TSPAN9: variants seen among roughly 807,000 people sequenced by gnomAD.
TSPAN9 encodes the protein tetraspanin-9.
TSPAN9 carries 16 observed loss-of-function variants against 31.0 expected under a neutral mutation model. That is an observed-to-expected ratio of 0.52 (90% CI 0.35 to 0.78). TSPAN9 has a LOEUF of 0.78. Among genes scored for constraint, TSPAN9 ranks in the 30% least tolerant of loss-of-function variants. TSPAN9 has a pLI of 0.01. For synonymous variants in TSPAN9, 145 were observed against 121.6 expected (o/e 1.19, Z -1.27); for missense variants, 272 against 312.5 (o/e 0.87, Z 0.98).
At chr12:3,162,644 G>A (rs1342740151) in intron 2 of TSPAN9, among the ~76,000 whole-genome samples, 2 of 151,092 alleles carry the variant, frequency 1.3e-5, no homozygotes, top group Non-Finnish European at 2.9e-5. Context: ...GTAATTTTCA[G>A]CTTTTTGGCT....
At chr12:3,131,066 G>A (rs1280310192) in intron 2 of TSPAN9, among the ~76,000 whole-genome samples, 1 of 151,334 alleles carries the variant, frequency 6.6e-6, no homozygotes, top group Non-Finnish European at 1.5e-5. Flanking sequence ...CCTTTGACGG[G>A]GTACACACGC....
intron 2 of TSPAN9, among the ~76,000 whole-genome samples, chr12:3,188,524 C>T (rs901932909): frequency 5.9e-5 from 9 of 152,076 alleles, no homozygotes; most frequent in South Asian, 2.1e-4. Context: ...CTGCTGTGTC[C>T]GGCTGGCCGT....
At chr12:3,087,974 A>G (rs868882) in intron 2 of TSPAN9, among the ~76,000 whole-genome samples, 13,272 of 152,210 alleles carry the variant, frequency 0.087, 1,789 homozygotes, top group African/African-American at 0.29. Context: ...ACAAGCCCTG[A>G]GGGTGGCAGT....
chr12:3,281,906 T>A (rs1253296010), intron 8 of TSPAN9, 89 bp downstream of exon 8: 1 of 1,413,994 alleles, frequency 7.1e-7, no homozygotes, highest in Non-Finnish European at 9.9e-7. Flanking sequence ...GCAGTGTTGG[T>A]ACACGGCGGA....
Position 3,170,848 on chromosome 12 carries a change from C to T in TSPAN9, c.-17-30329C>T, listed in dbSNP as rs1056976559. ...TGCCGGGCAGGGACTCCTGGGTTGG[C>T]GCTCTCTAAAGCCGCTTCTGTTTCT... is the stretch of plus-strand genomic sequence containing the variant. On this transcript the variant is annotated intron_variant, in intron 2 of 8. Coordinates refer to ENST00000011898, the MANE Select transcript of TSPAN9 (RefSeq NM_006675.5). The surrounding 1 kb of genome is among the most constrained non-coding windows in gnomAD (Gnocchi z 4.4). 2.6e-5 allele frequency among the ~76,000 whole-genome samples: 4 copies of T among 152,122 alleles called. No homozygotes were observed. The East Asian group carries it at 5.8e-4, about 22-fold the overall frequency.
In TSPAN9 at chr12:3,226,787, TATATATA is replaced by T. The variant is rs1488780704; in HGVS notation, c.63+25532_63+25538del. Among the ~76,000 whole-genome samples the T allele has an allele frequency of 2.3e-4, 6 of 25,842 alleles. 1 individual carries two copies. Among genetic ancestry groups the T allele is most frequent in the African/African-American group, 4.3e-4 (2 of 4,702 alleles). The allele number at this position is 25,842 out of a possible 152,430, so 17.0% of individuals were successfully genotyped here. On this transcript the variant is annotated intron_variant, in intron 3 of 8. Transcript: ENST00000011898. ...ATATATATATATATATATATATATA[TATATATA>T]TTTTTTTTTTTTTTTCCCTCTTCGA...
Position 3,283,239 on chromosome 12 carries a change from T to A in TSPAN9, c.*123T>A. 1.1e-6 allele frequency: 1 copy of A among 922,302 alleles called. No homozygotes were observed. The allele number at this position is 922,302 out of a possible 1,614,324, so 57.1% of individuals were successfully genotyped here. ...TGCACCCACCCCCCACAGCCTGCCCTACCCCACCTACCCTGCCTCAGCCTC... is the reference window on the plus strand; with the variant it reads ...TGCACCCACCCCCCACAGCCTGCCCAACCCCACCTACCCTGCCTCAGCCTC... On this transcript the variant is annotated 3_prime_UTR_variant, in exon 9 of 9. Transcript: ENST00000011898.
chr12:3,269,479 C>CCT (rs1345921752), intron 3 of TSPAN9, among the ~76,000 whole-genome samples: 1 of 139,456 alleles, frequency 7.2e-6, no homozygotes, highest in Non-Finnish European at 1.5e-5. Context: ...TGCAGCCTGC[C>CCT]CTCTGTGTTT....
Position 3,280,378 on chromosome 12 carries a change from G to C in TSPAN9, c.331-4G>C, listed in dbSNP as rs60904711. 251 of 1,608,348 alleles carry C rather than the reference G, an allele frequency of 1.6e-4. 1 individual carries two copies. The African/African-American group carries it at 3.0e-3, about 19-fold the overall frequency. ...CCGTCTCACTGTGTCCCTCCGCCTG[G>C]CAGGTGAACGAGAACGCCAAGAAGG... is the stretch of plus-strand genomic sequence containing the variant. On this transcript the variant is annotated splice_polypyrimidine_tract_variant and splice_region_variant and intron_variant, in intron 5 of 8. Transcript: ENST00000011898. The surrounding 1 kb of genome is among the most constrained non-coding windows in gnomAD (Gnocchi z 4.5).
chr12:3,249,479 G>A (rs929902946), intron 3 of TSPAN9, among the ~76,000 whole-genome samples: 3 of 152,130 alleles, frequency 2.0e-5, no homozygotes, highest in African/African-American at 7.2e-5. Flanking sequence ...TCTCCTCAAG[G>A]CAGAACCTCT....
intron 2 of TSPAN9, among the ~76,000 whole-genome samples, chr12:3,194,105 G>T (rs1410092198): frequency 6.6e-6 from 1 of 152,176 alleles, no homozygotes; most frequent in Non-Finnish European, 1.5e-5. Flanking sequence ...AGGCACGCTG[G>T]TCTGCCTTTC....
chr12:3,251,558 C>A (rs1329321082), intron 3 of TSPAN9, among the ~76,000 whole-genome samples: 3 of 149,272 alleles, frequency 2.0e-5, no homozygotes, highest in Admixed American at 2.0e-4. Context: ...AAATTAAAGT[C>A]ATTCACAATG....
chr12:3,194,676 C>G (rs1252009731), intron 2 of TSPAN9, among the ~76,000 whole-genome samples: 1 of 152,218 alleles, frequency 6.6e-6, no homozygotes, highest in African/African-American at 2.4e-5. Context: ...TGTGAGCAAC[C>G]ATGCCTGGCC....
intron 2 of TSPAN9, among the ~76,000 whole-genome samples, chr12:3,139,905 G>A (rs566973866): frequency 6.6e-6 from 1 of 152,316 alleles, no homozygotes; most frequent in African/African-American, 2.4e-5. Context: ...GCAGCTGACC[G>A]TCAGGGGCTC....
At chr12:3,116,391 G>A (rs2098322433) in intron 2 of TSPAN9, among the ~76,000 whole-genome samples, 1 of 152,168 alleles carries the variant, frequency 6.6e-6, no homozygotes, top group African/African-American at 2.4e-5. Context: ...GTGATGACAG[G>A]CATCGTACTT....
rs541568909 is a variant in TSPAN9 at position 3,077,443 on chromosome 12, C to T, written c.-95C>T. 8.5e-4 allele frequency: 130 copies of T among 152,370 alleles called. 2 individuals are homozygous for T. The East Asian group carries it at 0.022, about 26-fold the overall frequency. 9.4% of individuals were successfully genotyped at this position (152,370 alleles called of 1,614,324 possible). The stretch of plus-strand genomic sequence containing the variant: ...CGAGCAGAGCGGAGACCCCCAGGTC[C>T]TGCGGGCGCGGTGAGTGCGGCCCGG... On this transcript the variant is annotated 5_prime_UTR_variant, in exon 1 of 9. Coordinates refer to ENST00000011898, the MANE Select transcript of TSPAN9 (RefSeq NM_006675.5).
rs1288908705 is a variant in TSPAN9, at chr12:3,235,186, A to C, written c.63+33930A>C. On this transcript the variant is annotated intron_variant, in intron 3 of 8. Coordinates refer to ENST00000011898, the MANE Select transcript of TSPAN9 (RefSeq NM_006675.5). ...CGACAGAGCGAGACTCCGTCTCAAA[A>C]AAAAAAAAAAAAAAAAAAAAAAAAA... 6.0e-4 allele frequency among the ~76,000 whole-genome samples: 9 copies of C among 15,002 alleles called. No individual in the cohort carries two copies. The East Asian group carries it at 7.6e-3, about 13-fold the overall frequency. The allele number at this position is 15,002 out of a possible 152,430, so 9.8% of individuals were successfully genotyped here.
At chr12:3,261,848 CTG>C (rs1445833742) in intron 3 of TSPAN9, among the ~76,000 whole-genome samples, 3 of 152,206 alleles carry the variant, frequency 2.0e-5, no homozygotes, top group Non-Finnish European at 4.4e-5. Flanking sequence ...CTTTGTGTGA[CTG>C]TGAGGGCACC....
At chr12:3,208,451 A>G (rs1186155971) in intron 3 of TSPAN9, among the ~76,000 whole-genome samples, 1 of 152,164 alleles carries the variant, frequency 6.6e-6, no homozygotes, top group African/African-American at 2.4e-5. Context: ...AGCTCCACAT[A>G]CTTCTTCTGC....
Sources: gnomAD v4.1 joint callset for allele counts (sites outside exome capture counted in the v4.1 genomes callset) on GRCh38, gnomAD v4.1.1 for gene constraint, Gnocchi (gnomAD v3.1) non-coding constraint, MANE v1.5 for transcripts, NCBI Gene and HGNC (gene_info 2026-07-23, HGNC 2026-07-21) for gene names.